The following CARMIL1 variants were observed in gnomAD, a reference collection of about 807,000 sequenced individuals.
The protein encoded by CARMIL1 is capping protein regulator and myosin 1 linker 1.
In CARMIL1, 90 loss-of-function variants were observed where a neutral mutation model predicts 177.1. The ratio of observed to expected loss-of-function variants is 0.51; its 90% CI spans 0.43 to 0.61. The LOEUF (loss-of-function observed/expected upper bound fraction) is 0.61, where lower values mean the gene tolerates loss of function less well. Among genes scored for constraint, CARMIL1 ranks in the 20% least tolerant of loss-of-function variants. The pLI is 0.00. For synonymous variants in CARMIL1, 577 were observed against 606.2 expected, an observed-to-expected ratio of 0.95 and a Z score of 0.71; for missense variants, 1,380 against 1,667.0, an observed-to-expected ratio of 0.83 and a Z score of 3.00.
intron 30 of CARMIL1, 22 bp from the exon 31 acceptor site, chr6:25,581,217 TTTTG>T (rs1422373362): frequency 6.3e-7 from 1 of 1,589,890 alleles, no homozygotes; most frequent in Non-Finnish European, 8.5e-7. Context: ...TGGGCTGTTT[TTTTG>T]TTTTTTTGTT....
intron 2 of CARMIL1, among the ~76,000 whole-genome samples, chr6:25,325,974 A>G (rs1205645138): frequency 1.3e-5 from 2 of 152,046 alleles, no homozygotes; most frequent in African/African-American, 4.8e-5. Flanking sequence ...GGTTCAAGCA[A>G]TTCCCCTGCC....
chr6:25,559,688 T>C (rs917072161), intron 29 of CARMIL1, among the ~76,000 whole-genome samples: 1 of 152,212 alleles, frequency 6.6e-6, no homozygotes, highest in African/African-American at 2.4e-5. Flanking sequence ...CAAAGGAACT[T>C]TGACACATCA....
intron 17 of CARMIL1, 136 bp downstream of exon 17, chr6:25,500,371 G>A (rs1304812976): frequency 8.2e-6 from 6 of 733,230 alleles, no homozygotes; most frequent in South Asian, 1.9e-5. Flanking sequence ...AGTTTCTAAT[G>A]TTCTGTATTT....
At chr6:25,284,734 C>A in intron 1 of CARMIL1, 78 bp from the exon 2 acceptor site, 3 of 807,588 alleles carry the variant, frequency 3.7e-6, no homozygotes, top group South Asian at 1.6e-5. Flanking sequence ...TAAAAACAAC[C>A]AAATATACTC....
At chr6:25,359,539 G>T (rs1419595004) in intron 2 of CARMIL1, among the ~76,000 whole-genome samples, 4 of 152,238 alleles carry the variant, frequency 2.6e-5, no homozygotes, top group African/African-American at 9.6e-5. Flanking sequence ...ACTTGGGTCA[G>T]TGTAGTATTT....
intron 2 of CARMIL1, among the ~76,000 whole-genome samples, chr6:25,377,086 G>C (rs1791062338): frequency 6.6e-6 from 1 of 152,202 alleles, no homozygotes; most frequent in Non-Finnish European, 1.5e-5. Flanking sequence ...GAACCTAGGG[G>C]ACATGCATTC....
At chr6:25,378,028 C>T (rs1432604487) in intron 2 of CARMIL1, among the ~76,000 whole-genome samples, 2 of 152,140 alleles carry the variant, frequency 1.3e-5, no homozygotes, top group African/African-American at 4.8e-5. Context: ...CTGGGTCAGG[C>T]AAGTCTGTGC....
At chr6:25,572,509 T>C (rs1299109321) in intron 29 of CARMIL1, among the ~76,000 whole-genome samples, 1 of 151,808 alleles carries the variant, frequency 6.6e-6, no homozygotes. Flanking sequence ...GAGACCAGCC[T>C]GGGCAACAAG....
In CARMIL1 at chr6:25,619,672, T is replaced by C; in HGVS notation, c.*89T>C. On this transcript the variant is annotated 3_prime_UTR_variant, in exon 37 of 37. Coordinates refer to ENST00000329474, the MANE Select transcript of CARMIL1 (RefSeq NM_017640.6). ...GGCAACATCTTTTCTTCCCAGGCGT[T>C]CTTCTCTGGGTGCTTTATTCTCTTC... 7.3e-7 allele frequency: 1 copy of C among 1,366,294 alleles called. No individual in the cohort carries two copies. Among genetic ancestry groups the C allele is most frequent in the Non-Finnish European group, 9.8e-7 (1 of 1,020,634 alleles). 84.6% of individuals were successfully genotyped at this position (1,366,294 alleles called of 1,614,324 possible). A position where few individuals can be genotyped will look rare whatever the true frequency, so the allele number is the denominator to read the frequency against.
chr6:25,349,922 T>A (rs920865224), intron 2 of CARMIL1, among the ~76,000 whole-genome samples: 1 of 151,948 alleles, frequency 6.6e-6, no homozygotes, highest in African/African-American at 2.4e-5. Flanking sequence ...AGAGATGGGG[T>A]TTCACCATGT....
At chr6:25,453,713 G>T (rs528757397) in intron 8 of CARMIL1, among the ~76,000 whole-genome samples, 4 of 152,236 alleles carry the variant, frequency 2.6e-5, no homozygotes, top group African/African-American at 7.2e-5. Flanking sequence ...CCATGCAAAG[G>T]GCAACACAGT....
chr6:25,354,330 ATTTTTTTTTT>A (rs67395838), intron 2 of CARMIL1, among the ~76,000 whole-genome samples: 40 of 80,606 alleles, frequency 5.0e-4, no homozygotes, highest in East Asian at 1.2e-3. Context: ...GACTAATTAA[ATTTTTTTTTT>A]TTTTTTTTTT....
At chr6:25,465,066 T>G (rs1248690132) in intron 8 of CARMIL1, among the ~76,000 whole-genome samples, 1 of 24,442 alleles carries the variant, frequency 4.1e-5, no homozygotes. Flanking sequence ...TGCTAAGAAC[T>G]AAAGCAAAAA....
intron 8 of CARMIL1, chr6:25,452,276 C>G (rs761463746): frequency 1.9e-5 from 14 of 755,998 alleles, no homozygotes; most frequent in Non-Finnish European, 3.1e-5. Flanking sequence ...ATAAGTGAGG[C>G]AACTTTATAC....
intron 19 of CARMIL1, 22 bp downstream of exon 19, chr6:25,510,628 A>G (rs1257777932): frequency 6.6e-7 from 1 of 1,519,008 alleles, no homozygotes; most frequent in Admixed American, 2.0e-5. Context: ...GAATTTTTTT[A>G]TATGACAATG....
chr6:25,412,308 T>C (rs76914359), intron 2 of CARMIL1, among the ~76,000 whole-genome samples: 15,161 of 152,290 alleles, frequency 0.1, 1,033 homozygotes, highest in South Asian at 0.19. Context: ...GTGCAGTGGC[T>C]TGATGGCCCA....
intron 8 of CARMIL1, among the ~76,000 whole-genome samples, chr6:25,459,272 T>TCTTTCTTCCTTTCTTCCTTTCTTCC (rs1477339182): frequency 7.4e-6 from 1 of 134,894 alleles, no homozygotes. Context: ...CTTTCTTTTT[T>TCTTTCTTCCTTTCTTCCTTTCTTCC]TTTTTTTTAA....
intron 22 of CARMIL1, among the ~76,000 whole-genome samples, chr6:25,518,551 A>C (rs1319675813): frequency 6.6e-6 from 1 of 152,210 alleles, no homozygotes; most frequent in Non-Finnish European, 1.5e-5. Context: ...TTGCCACTGC[A>C]TGATTACAGA....
At chr6:25,596,164 T>C (rs1369083075) in intron 32 of CARMIL1, among the ~76,000 whole-genome samples, 1 of 146,104 alleles carries the variant, frequency 6.8e-6, no homozygotes, top group Non-Finnish European at 1.5e-5. Flanking sequence ...TGGGTAAATT[T>C]TGTAAGGTAT....
Sources: gnomAD v4.1 joint callset for allele counts (sites outside exome capture counted in the v4.1 genomes callset) on GRCh38, gnomAD v4.1.1 for gene constraint, MANE v1.5 for transcripts, NCBI Gene and HGNC (gene_info 2026-07-23, HGNC 2026-07-21) for gene names.